The following DSCAM variants were observed in gnomAD, a reference collection of about 807,000 sequenced individuals.
The protein encoded by DSCAM is cell adhesion molecule DSCAM.
Under a neutral mutation model 217.7 loss-of-function variants are expected in DSCAM, and 47 were observed. The observed-to-expected ratio is 0.22, with a 90% CI of 0.17 to 0.28. The LOEUF is 0.28. DSCAM is among the 10% of genes least tolerant of loss of function. The pLI is 1.00. For missense variants in DSCAM, 2,080 were observed against 2,618.3 expected, an observed-to-expected ratio of 0.79 and a Z score of 4.49; for synonymous variants, 1,056 against 1,015.3, an observed-to-expected ratio of 1.04 and a Z score of -0.76.
chr21:40,781,099 C>T (rs1269159174), intron 1 of DSCAM, among the ~76,000 whole-genome samples: 1 of 152,072 alleles, frequency 6.6e-6, no homozygotes, highest in Non-Finnish European at 1.5e-5. Flanking sequence ...ACCTCCACCT[C>T]CGGGGTTCAA....
intron 8 of DSCAM, among the ~76,000 whole-genome samples, chr21:40,330,615 T>C (rs746783675): frequency 8.6e-5 from 13 of 151,952 alleles, no homozygotes; most frequent in Non-Finnish European, 1.8e-4. Context: ...AAGGAACCCA[T>C]AGAAGCTGAG....
intron 3 of DSCAM, among the ~76,000 whole-genome samples, chr21:40,488,151 A>T (rs1196353132): frequency 6.6e-6 from 1 of 152,172 alleles, no homozygotes; most frequent in Non-Finnish European, 1.5e-5. Context: ...TTCTCAATGA[A>T]CTTACCAACT....
At chr21:40,573,278 C>T (rs900904891) in intron 3 of DSCAM, among the ~76,000 whole-genome samples, 11 of 152,024 alleles carry the variant, frequency 7.2e-5, no homozygotes, top group Non-Finnish European at 1.6e-4. Context: ...GTGGAGCTTG[C>T]AGTGAGCTGA....
At chr21:40,518,080 A>C (rs2076317728) in intron 3 of DSCAM, among the ~76,000 whole-genome samples, 1 of 151,760 alleles carries the variant, frequency 6.6e-6, no homozygotes, top group Admixed American at 6.6e-5. Context: ...ACAGGGGACC[A>C]AGGAGGGCAC....
intron 19 of DSCAM, 133 bp from the exon 20 acceptor site, chr21:40,124,461 C>T: frequency 1.8e-6 from 2 of 1,114,588 alleles, no homozygotes; most frequent in Admixed American, 2.3e-5. Context: ...TCCGCTGTGT[C>T]CCCCCAAATG....
At chr21:40,597,500 C>CTTTTTTT (rs10530311) in intron 3 of DSCAM, among the ~76,000 whole-genome samples, 32 of 75,852 alleles carry the variant, frequency 4.2e-4, no homozygotes, top group East Asian at 7.6e-4. Context: ...CAGTAATAGG[C>CTTTTTTT]TTTTTTTTTT....
intron 1 of DSCAM, among the ~76,000 whole-genome samples, chr21:40,843,790 C>A (rs1020687186): frequency 8.4e-6 from 1 of 118,974 alleles, no homozygotes. Flanking sequence ...CTGACTTCTT[C>A]TTTTTTTTTT....
At chr21:40,447,399 A>T (rs1377149670) in intron 3 of DSCAM, among the ~76,000 whole-genome samples, 1 of 152,186 alleles carries the variant, frequency 6.6e-6, no homozygotes, top group Non-Finnish European at 1.5e-5. Context: ...AAACCTCTGA[A>T]ATATTTATTC....
chr21:40,302,645 T>G (rs891910244), intron 9 of DSCAM, among the ~76,000 whole-genome samples: 3 of 152,170 alleles, frequency 2.0e-5, no homozygotes, highest in Non-Finnish European at 4.4e-5. Context: ...GAATCATAAT[T>G]ACGTGCACAT....
intron 1 of DSCAM, among the ~76,000 whole-genome samples, chr21:40,808,318 G>T (rs75995675): frequency 1.1e-4 from 16 of 151,886 alleles, no homozygotes; most frequent in African/African-American, 3.9e-4. Context: ...CAGACCCAAA[G>T]TTCACAAAAA....
rs1488001326 is a variant in DSCAM at position 40,093,582 on chromosome 21, A to C, written c.3850+139T>G. ...CAGAAGCTCAGAGCTTGTTAGCCAC[A>C]ACCCTGTTTCTTGAGCTAAAATGTG... is the stretch of plus-strand genomic sequence containing the variant. On this transcript the variant is annotated intron_variant, in intron 21 of 32. Coordinates refer to ENST00000400454, the MANE Select transcript of DSCAM (RefSeq NM_001389.5). 7.6e-6 allele frequency: 8 copies of C among 1,056,508 alleles called. No individual in the cohort carries two copies. The Admixed American group carries it at 2.0e-4, about 27-fold the overall frequency. The allele number at this position is 1,056,508 out of a possible 1,614,324, so 65.4% of individuals were successfully genotyped here. A position where few individuals can be genotyped will look rare whatever the true frequency, so the allele number is the denominator to read the frequency against.
At chr21:40,734,625 C>A (rs2091044966) in intron 1 of DSCAM, among the ~76,000 whole-genome samples, 2 of 152,178 alleles carry the variant, frequency 1.3e-5, no homozygotes, top group Admixed American at 1.3e-4. Context: ...TCGGAGAGGT[C>A]TACAGATAAT....
At chr21:40,482,686 G>A (rs538534662) in intron 3 of DSCAM, among the ~76,000 whole-genome samples, 64 of 152,136 alleles carry the variant, frequency 4.2e-4, no homozygotes, top group Non-Finnish European at 7.1e-4. Flanking sequence ...ACAGCAGAGG[G>A]CAATAAATGT....
At chr21:40,583,926 G>T (rs2076924549) in intron 3 of DSCAM, among the ~76,000 whole-genome samples, 1 of 137,852 alleles carries the variant, frequency 7.3e-6, no homozygotes, top group African/African-American at 2.6e-5. Flanking sequence ...AAAAAGCCCA[G>T]ATAGTAAAGG....
chr21:40,202,720 T>C (rs1208394384), intron 11 of DSCAM, among the ~76,000 whole-genome samples: 1 of 152,248 alleles, frequency 6.6e-6, no homozygotes, highest in Non-Finnish European at 1.5e-5. Flanking sequence ...TCCTAAAGTT[T>C]CACCTTTTCC....
intron 11 of DSCAM, among the ~76,000 whole-genome samples, chr21:40,217,744 T>G (rs1285104871): frequency 6.6e-6 from 1 of 152,214 alleles, no homozygotes; most frequent in African/African-American, 2.4e-5. Context: ...TGGTTTTGAT[T>G]TGCATTTCTC....
chr21:40,698,126 T>G (rs938439310), intron 2 of DSCAM, among the ~76,000 whole-genome samples: 1 of 152,228 alleles, frequency 6.6e-6, no homozygotes, highest in African/African-American at 2.4e-5. Context: ...AAATCAACTT[T>G]ACTTTGATTA....
intron 3 of DSCAM, among the ~76,000 whole-genome samples, chr21:40,474,878 C>G (rs945720080): frequency 6.6e-6 from 1 of 152,118 alleles, no homozygotes; most frequent in Non-Finnish European, 1.5e-5. Flanking sequence ...CGAGGGAGCC[C>G]TGCTCATTCA....
At chr21:40,801,891 G>A (rs1283698722) in intron 1 of DSCAM, among the ~76,000 whole-genome samples, 1 of 152,014 alleles carries the variant, frequency 6.6e-6, no homozygotes, top group Non-Finnish European at 1.5e-5. Flanking sequence ...GTCACAGGGG[G>A]GGTTGCCACC....
Sources: gnomAD v4.1 joint callset for allele counts (sites outside exome capture counted in the v4.1 genomes callset) on GRCh38, gnomAD v4.1.1 for gene constraint, MANE v1.5 for transcripts, NCBI Gene and HGNC (gene_info 2026-07-23, HGNC 2026-07-21) for gene names.